Variants in VPS50 observed in about 807,000 individuals in gnomAD.
VPS50 encodes the protein syndetin.
A neutral mutation model predicts 139.7 loss-of-function variants in VPS50; 70 were observed. That is an observed-to-expected ratio of 0.50 (90% CI 0.41 to 0.61). The LOEUF is 0.61. VPS50 is among the 20% of genes least tolerant of loss of function. VPS50 has a pLI of 0.00. For missense variants in VPS50, 921 were observed against 1,133.7 expected (o/e 0.81, Z 2.69); for synonymous variants, 365 against 376.7 (o/e 0.97, Z 0.36).
Position 93,258,345 on chromosome 7 carries a change from T to C in VPS50, c.541-12T>C, listed in dbSNP as rs2116839268. On this transcript the variant is annotated splice_polypyrimidine_tract_variant and intron_variant, in intron 7 of 27. Coordinates refer to ENST00000305866, the MANE Select transcript of VPS50 (RefSeq NM_017667.4). ...TTGAAACAGATTTTACCTTTGATTT[T>C]TGTTTTTTCAGCAAAGAACAGATGT... The C allele has an allele frequency of 6.2e-7, 1 of 1,612,650 alleles. No homozygotes were observed. Among genetic ancestry groups the C allele is most frequent in the African/African-American group, 1.3e-5 (1 of 74,982 alleles).
At position 93,236,969 on chromosome 7, in the gene VPS50, T is replaced by C. The variant is rs943717703; in HGVS notation, c.34-2897T>C. Among the ~76,000 whole-genome samples, 82 of 122,888 alleles carry C rather than the reference T, an allele frequency of 6.7e-4. No homozygotes were observed. In the South Asian group the frequency reaches 9.6e-3, roughly 14 times the overall value. 80.6% of individuals were successfully genotyped at this position (122,888 alleles called of 152,430 possible). On this transcript the variant is annotated intron_variant, in intron 1 of 27. Coordinates refer to ENST00000305866, the MANE Select transcript of VPS50 (RefSeq NM_017667.4). ...TTTTTTTTTTTTTTTTTTTTTTTTTTCGAGACAGTCTCACTCTGTCGCCCA... is the reference window on the plus strand; with the variant it reads ...TTTTTTTTTTTTTTTTTTTTTTTTTCCGAGACAGTCTCACTCTGTCGCCCA...
intron 2 of VPS50, among the ~76,000 whole-genome samples, chr7:93,244,816 C>G (rs1412334709): frequency 1.3e-5 from 2 of 151,774 alleles, no homozygotes; most frequent in African/African-American, 4.8e-5. Context: ...TATGGATCTG[C>G]AAAATCATTT....
At chr7:93,285,663 T>C (rs1220084281) in intron 12 of VPS50, among the ~76,000 whole-genome samples, 2 of 152,218 alleles carry the variant, frequency 1.3e-5, no homozygotes, top group African/African-American at 4.8e-5. Context: ...TTTCATCATT[T>C]TTATTTTAAC....
intron 20 of VPS50, among the ~76,000 whole-genome samples, chr7:93,317,198 C>G (rs1797453623): frequency 6.6e-6 from 1 of 152,132 alleles, no homozygotes; most frequent in Admixed American, 6.6e-5. Context: ...TTATGGTGAT[C>G]TAGCCTTTGA....
intron 26 of VPS50, among the ~76,000 whole-genome samples, chr7:93,355,515 A>C (rs141139044): frequency 3.3e-5 from 5 of 152,308 alleles, no homozygotes; most frequent in African/African-American, 1.2e-4. Context: ...TAAAACTAAG[A>C]TTACTTTGAA....
intron 19 of VPS50, among the ~76,000 whole-genome samples, chr7:93,310,139 T>G (rs1584455223): frequency 2.0e-5 from 3 of 152,122 alleles, no homozygotes; most frequent in Admixed American, 2.0e-4. Flanking sequence ...AAAGGTCTAT[T>G]TGAATTGAAA....
chr7:93,336,516 A>G (rs1324721225), intron 22 of VPS50, among the ~76,000 whole-genome samples: 2 of 151,874 alleles, frequency 1.3e-5, no homozygotes, highest in Non-Finnish European at 2.9e-5. Context: ...TAGCCAACTT[A>G]TTTATTTATT....
intron 9 of VPS50, among the ~76,000 whole-genome samples, chr7:93,268,388 A>T (rs1356471043): frequency 6.6e-6 from 1 of 151,986 alleles, no homozygotes; most frequent in South Asian, 2.1e-4. Context: ...TACATAGGTA[A>T]ATGTGTGCCA....
intron 2 of VPS50, among the ~76,000 whole-genome samples, chr7:93,246,907 T>C (rs1223236367): frequency 1.3e-5 from 2 of 151,942 alleles, no homozygotes; most frequent in Non-Finnish European, 2.9e-5. Context: ...CTCAAATTGT[T>C]TTACATAGCT....
At chr7:93,280,587 C>T (rs2116907510) in intron 12 of VPS50, among the ~76,000 whole-genome samples, 1 of 152,116 alleles carries the variant, frequency 6.6e-6, no homozygotes, top group East Asian at 1.9e-4. Context: ...AATTTAACAC[C>T]TTTGTAGAGA....
At chr7:93,256,955 CAG>C (rs1795506210) in intron 5 of VPS50, among the ~76,000 whole-genome samples, 1 of 152,040 alleles carries the variant, frequency 6.6e-6, no homozygotes, top group Non-Finnish European at 1.5e-5. Context: ...ATCGGAAAAT[CAG>C]AGCCTTCAAA....
At chr7:93,239,641 G>A (rs567871484) in intron 1 of VPS50, among the ~76,000 whole-genome samples, 30 of 152,122 alleles carry the variant, frequency 2.0e-4, no homozygotes, top group Admixed American at 1.5e-3. Context: ...TGAAGTTGCC[G>A]TATAATACTC....
At chr7:93,246,984 G>T (rs1003748437) in intron 2 of VPS50, among the ~76,000 whole-genome samples, 6 of 151,850 alleles carry the variant, frequency 4.0e-5, no homozygotes, top group African/African-American at 1.4e-4. Flanking sequence ...CTAAATCAAA[G>T]ATGTTGACTT....
intron 8 of VPS50, among the ~76,000 whole-genome samples, chr7:93,258,950 T>C (rs1795580016): frequency 6.6e-6 from 1 of 152,040 alleles, no homozygotes; most frequent in African/African-American, 2.4e-5. Flanking sequence ...GAATTGAGCA[T>C]AGGGAAAAGT....
chr7:93,316,531 A>G (rs959851269), intron 20 of VPS50, among the ~76,000 whole-genome samples: 6 of 152,200 alleles, frequency 3.9e-5, no homozygotes, highest in African/African-American at 1.4e-4. Context: ...AAGAAGATGG[A>G]TTAGAGAGAT....
intron 11 of VPS50, chr7:93,275,708 C>A: frequency 6.5e-6 from 1 of 154,524 alleles, no homozygotes; most frequent in South Asian, 2.0e-4. Context: ...ACAAATGTTA[C>A]AAAGAAATAT....
chr7:93,303,674 T>C, intron 17 of VPS50, 124 bp downstream of exon 17: 1 of 457,714 alleles, frequency 2.2e-6, no homozygotes, highest in Non-Finnish European at 3.9e-6. Context: ...CAGTTTCTTA[T>C]CTTCCTTCCT....
chr7:93,270,510 C>G (rs886754523), intron 9 of VPS50, among the ~76,000 whole-genome samples: 3 of 151,866 alleles, frequency 2.0e-5, no homozygotes, highest in Non-Finnish European at 4.4e-5. Context: ...TCTAATTATT[C>G]TAGACAATTG....
At chr7:93,262,594 A>C (rs915431844) in intron 9 of VPS50, among the ~76,000 whole-genome samples, 8 of 152,234 alleles carry the variant, frequency 5.3e-5, no homozygotes, top group Middle Eastern at 3.2e-3. Flanking sequence ...ATACATTCAG[A>C]TATCCCAAGA....
Sources: allele counts gnomAD v4.1 joint callset (sites outside exome capture counted in the v4.1 genomes callset), GRCh38; gene constraint gnomAD v4.1.1; transcripts MANE v1.5; gene names NCBI Gene and HGNC (gene_info 2026-07-23, HGNC 2026-07-21).